Variants in PCDH9 observed in about 807,000 individuals in gnomAD.
The protein encoded by PCDH9 is protocadherin-9.
PCDH9 carries 24 observed loss-of-function variants against 70.6 expected under a neutral mutation model. The ratio of observed to expected loss-of-function variants is 0.34; its 90% CI spans 0.25 to 0.48. The LOEUF (loss-of-function observed/expected upper bound fraction) is 0.48, where lower values mean the gene tolerates loss of function less well. Among genes scored for constraint, PCDH9 ranks in the 20% least tolerant of loss-of-function variants. The probability of loss-of-function intolerance (pLI) is 0.99; values close to 1 mark genes in which losing one functional copy is unlikely to be tolerated. For missense variants in PCDH9, 1,281 were observed against 1,503.6 expected (o/e 0.85, Z 2.45); for synonymous variants, 562 against 558.5 (o/e 1.01, Z -0.09).
chr13:66,606,686 T>C (rs1282848288), intron 4 of PCDH9, among the ~76,000 whole-genome samples: 1 of 152,174 alleles, frequency 6.6e-6, no homozygotes, highest in Non-Finnish European at 1.5e-5. Context: ...TTAGTACATC[T>C]GTCCTAAATC....
At chr13:66,967,135 T>C (rs1195751789) in intron 2 of PCDH9, among the ~76,000 whole-genome samples, 1 of 151,996 alleles carries the variant, frequency 6.6e-6, no homozygotes, top group South Asian at 2.1e-4. Flanking sequence ...CTGTCAAACA[T>C]AAGACAGATT....
At chr13:66,545,021 C>T (rs1192581742) in intron 4 of PCDH9, among the ~76,000 whole-genome samples, 1 of 152,096 alleles carries the variant, frequency 6.6e-6, no homozygotes, top group African/African-American at 2.4e-5. Context: ...GAATAACAGA[C>T]TGTTTAGTGT....
intron 4 of PCDH9, among the ~76,000 whole-genome samples, chr13:66,514,195 T>C (rs1313744102): frequency 6.6e-6 from 1 of 152,134 alleles, no homozygotes; most frequent in Non-Finnish European, 1.5e-5. Flanking sequence ...CAGTACTGTA[T>C]ACTTAATCAA....
At chr13:66,983,626 TGTGTGC>T (rs2083823378) in intron 2 of PCDH9, among the ~76,000 whole-genome samples, 1 of 152,194 alleles carries the variant, frequency 6.6e-6, no homozygotes, top group Non-Finnish European at 1.5e-5. Context: ...CACAAGTATG[TGTGTGC>T]TCTGGCGACA....
At chr13:67,065,936 T>C (rs532917730) in intron 2 of PCDH9, among the ~76,000 whole-genome samples, 1 of 152,288 alleles carries the variant, frequency 6.6e-6, no homozygotes, top group South Asian at 2.1e-4. Flanking sequence ...GATTAAAAGA[T>C]ATCATGATTC....
chr13:66,635,057 G>C (rs541706183), intron 3 of PCDH9, among the ~76,000 whole-genome samples: 1 of 152,172 alleles, frequency 6.6e-6, no homozygotes, highest in East Asian at 1.9e-4. Flanking sequence ...CAAAAATTTT[G>C]CATTTTGATT....
chr13:66,785,365 T>C (rs1813245415), intron 3 of PCDH9, among the ~76,000 whole-genome samples: 1 of 152,110 alleles, frequency 6.6e-6, no homozygotes. Flanking sequence ...CAAGTTGATC[T>C]GTTCGAAGAG....
chr13:66,659,553 T>TGTGTGTGCGTGTGTGTGTG (rs59132032), intron 3 of PCDH9, among the ~76,000 whole-genome samples: 1 of 148,768 alleles, frequency 6.7e-6, no homozygotes, highest in Non-Finnish European at 1.5e-5. Context: ...GTGTGTGTGT[T>TGTGTGTGCGTGTGTGTGTG]TGTGTGTGTT....
At chr13:66,833,133 G>A (rs779864788) in intron 3 of PCDH9, among the ~76,000 whole-genome samples, 19 of 152,018 alleles carry the variant, frequency 1.2e-4, no homozygotes, top group African/African-American at 1.4e-4. Flanking sequence ...AATCCTGCCC[G>A]TTAATGCCAG....
chr13:66,472,165 T>C lies in PCDH9; in HGVS notation c.3340+159045A>G, dbSNP rs560732163. 1.6e-4 allele frequency among the ~76,000 whole-genome samples: 22 copies of C among 141,866 alleles called. No individual in the cohort carries two copies. The East Asian group carries it at 3.9e-3, about 25-fold the overall frequency. The allele number at this position is 141,866 out of a possible 152,430, so 93.1% of individuals were successfully genotyped here. A position where few individuals can be genotyped will look rare whatever the true frequency, so the allele number is the denominator to read the frequency against. On this transcript the variant is annotated intron_variant, in intron 4 of 4. Transcript: ENST00000377865. ...AGGCAGAGGTTACAGTGAGCCGATA[T>C]CGTGCCACCCCACTCCAGCCTGGGT...
Position 66,513,421 on chromosome 13 carries a change from C to T in PCDH9, c.3340+117789G>A, listed in dbSNP as rs76824495. Among the ~76,000 whole-genome samples, 711 of 152,012 alleles carry T rather than the reference C, an allele frequency of 4.7e-3. 30 individuals carry two copies. In the East Asian group the frequency reaches 0.092, roughly 20 times the overall value. On this transcript the variant is annotated intron_variant, in intron 4 of 4. Coordinates refer to ENST00000377865, the MANE Select transcript of PCDH9 (RefSeq NM_203487.3). ...TACATTTCTTTCAAACTACCTGTCC[C>T]TAAGAATTGCCACGTTTTACATAAT...
rs541859645 is a variant in PCDH9, at chr13:66,780,378, T to A, written c.3138+123126A>T. ...CTTCTTGCTTTGGAAAGCATGGTCA[T>A]ATGAGGCTGTGCAGAGTATTAAAGA... On this transcript the variant is annotated intron_variant, in intron 3 of 4. Transcript: ENST00000377865. Among the ~76,000 whole-genome samples, 455 of 152,300 alleles carry A rather than the reference T, an allele frequency of 3.0e-3. 2 individuals carry two copies. The highest frequency in any genetic ancestry group is 0.01 in the African/African-American group (429 of 41,554).
At chr13:66,997,758 C>T (rs1428939613) in intron 2 of PCDH9, among the ~76,000 whole-genome samples, 2 of 152,248 alleles carry the variant, frequency 1.3e-5, no homozygotes, top group South Asian at 2.1e-4. Flanking sequence ...TGGTCTCGAT[C>T]CCCTGACCTC....
Position 66,547,644 on chromosome 13 carries a change from T to A in PCDH9, c.3340+83566A>T, listed in dbSNP as rs1961266866. Among the ~76,000 whole-genome samples the A allele has an allele frequency of 2.0e-5, 3 of 152,002 alleles. No homozygotes were observed. The South Asian group carries it at 6.2e-4, about 32-fold the overall frequency. ...TAGTTCCACTAATTTTACCCAAAAA[T>A]AACATAAATAATTGCCATGTTGATT... is the stretch of plus-strand genomic sequence containing the variant. On this transcript the variant is annotated intron_variant, in intron 4 of 4. Transcript: ENST00000377865.
chr13:66,740,384 A>G (rs2079241107), intron 3 of PCDH9, among the ~76,000 whole-genome samples: 1 of 93,428 alleles, frequency 1.1e-5, no homozygotes, highest in African/African-American at 3.7e-5. Context: ...CACAAGAGAA[A>G]GCAGGAAAGA....
At chr13:67,178,589 T>C (rs1378017652) in intron 2 of PCDH9, among the ~76,000 whole-genome samples, 3 of 152,050 alleles carry the variant, frequency 2.0e-5, no homozygotes, top group Non-Finnish European at 4.4e-5. Context: ...TTTGTCTGTG[T>C]ATGTAGTAGC....
intron 2 of PCDH9, among the ~76,000 whole-genome samples, chr13:67,162,806 A>G (rs1333833798): frequency 6.6e-6 from 1 of 151,942 alleles, no homozygotes; most frequent in African/African-American, 2.4e-5. Context: ...TGTTGAATAT[A>G]CAAGTGCCTG....
chr13:66,489,976 A>G (rs1959006432), intron 4 of PCDH9, among the ~76,000 whole-genome samples: 1 of 152,184 alleles, frequency 6.6e-6, no homozygotes, highest in Non-Finnish European at 1.5e-5. Flanking sequence ...AGCAGTAGGT[A>G]GAAATACTTC....
At chr13:67,000,621 T>C (rs1279995588) in intron 2 of PCDH9, among the ~76,000 whole-genome samples, 1 of 152,064 alleles carries the variant, frequency 6.6e-6, no homozygotes, top group Admixed American at 6.5e-5. Flanking sequence ...TTAAACTAAA[T>C]ATATTTAACT....
Sources: allele counts gnomAD v4.1 joint callset (sites outside exome capture counted in the v4.1 genomes callset), GRCh38; gene constraint gnomAD v4.1.1; transcripts MANE v1.5; gene names NCBI Gene and HGNC (gene_info 2026-07-23, HGNC 2026-07-21).